SND1: variants seen among roughly 807,000 people sequenced by gnomAD.
The protein encoded by SND1 is staphylococcal nuclease domain-containing protein 1.
A neutral mutation model predicts 121.7 loss-of-function variants in SND1; 38 were observed. The ratio of observed to expected loss-of-function variants is 0.31; its 90% CI spans 0.24 to 0.41. The LOEUF is 0.41. Among genes scored for constraint, SND1 ranks in the 10% least tolerant of loss-of-function variants. The pLI, the probability that SND1 is intolerant of heterozygous loss-of-function variation, is 1.00. For missense variants in SND1, 868 were observed against 1,184.6 expected, an observed-to-expected ratio of 0.73 and a Z score of 3.92; for synonymous variants, 401 against 447.4, an observed-to-expected ratio of 0.90 and a Z score of 1.31.
intron 11 of SND1, among the ~76,000 whole-genome samples, chr7:127,833,937 A>G (rs1382986943): frequency 6.6e-6 from 1 of 151,970 alleles, no homozygotes; most frequent in Non-Finnish European, 1.5e-5. Flanking sequence ...CCTTATTTAA[A>G]TGGAATCACA....
intron 11 of SND1, among the ~76,000 whole-genome samples, chr7:127,816,837 A>G (rs1584594569): frequency 6.6e-6 from 1 of 151,716 alleles, no homozygotes; most frequent in African/African-American, 2.4e-5. Context: ...TAATTGTTGT[A>G]TTTTTAGTAG....
chr7:127,881,352 G>A lies in SND1; in HGVS notation c.1344-6550G>A, dbSNP rs201993188. Among the ~76,000 whole-genome samples the A allele has an allele frequency of 6.6e-5, 10 of 152,070 alleles. No individual in the cohort carries two copies. In the East Asian group the frequency reaches 1.9e-3, roughly 29 times the overall value. ...TTAAATTTTTTATGCTCTTTCTTTT[G>A]TTAATCTGCCTTTTGTCAGCTGATT... On this transcript the variant is annotated intron_variant, in intron 12 of 23. Coordinates refer to ENST00000354725, the MANE Select transcript of SND1 (RefSeq NM_014390.4).
chr7:127,830,300 C>T (rs1226423537), intron 11 of SND1, among the ~76,000 whole-genome samples: 1 of 151,850 alleles, frequency 6.6e-6, no homozygotes, highest in Non-Finnish European at 1.5e-5. Flanking sequence ...GGAGAATTGC[C>T]TGAACCCAGG....
chr7:127,873,145 A>G (rs1293850616), intron 12 of SND1, among the ~76,000 whole-genome samples: 2 of 152,116 alleles, frequency 1.3e-5, no homozygotes, highest in Non-Finnish European at 1.5e-5. Context: ...AGCCACCTTC[A>G]CTTCATCACC....
intron 13 of SND1, among the ~76,000 whole-genome samples, chr7:127,891,854 A>G (rs917703932): frequency 1.3e-5 from 2 of 152,148 alleles, no homozygotes; most frequent in South Asian, 2.1e-4. Flanking sequence ...TTCCCAAGCA[A>G]AATTTCTTAA....
chr7:127,721,386 G>T lies in SND1; in HGVS notation c.1138G>T (p.Gly380Trp), dbSNP rs567804903. ...LSSIRPPRLE[G>W]ENTQDKNKKL... ...CAGCATCCGACCACCGAGGCTGGAG[G>T]GGGAGAACACCCAGGTGAGAATAGG... is the stretch of plus-strand genomic sequence containing the variant. Residue 380 changes from glycine to tryptophan, a missense_variant, in exon 10 of 24, where the codon GGG becomes TGG. Coordinates refer to ENST00000354725, the MANE Select transcript of SND1 (RefSeq NM_014390.4). The T allele has an allele frequency of 5.0e-6, 8 of 1,609,614 alleles. No individual in the cohort carries two copies. The South Asian group carries it at 6.6e-5, about 13-fold the overall frequency.
chr7:127,821,434 C>T (rs1286869480), intron 11 of SND1, among the ~76,000 whole-genome samples: 1 of 152,098 alleles, frequency 6.6e-6, no homozygotes, highest in Non-Finnish European at 1.5e-5. Context: ...ATTGTTTTTT[C>T]CTGGACTCCA....
At chr7:127,802,373 T>C (rs1798148670) in intron 10 of SND1, among the ~76,000 whole-genome samples, 1 of 152,146 alleles carries the variant, frequency 6.6e-6, no homozygotes. Flanking sequence ...AACCAGGCTT[T>C]TACCCCTAGT....
At chr7:127,987,000 G>A (rs1802407123) in intron 15 of SND1, among the ~76,000 whole-genome samples, 2 of 152,220 alleles carry the variant, frequency 1.3e-5, no homozygotes, top group Admixed American at 6.5e-5. Context: ...TTGCACCTGT[G>A]GCATTTGAGG....
At position 128,086,958 on chromosome 7, in the gene SND1, C is replaced by G. The variant is rs757510726; in HGVS notation, c.2325C>G (p.Thr775=). Reference sequence around the variant, plus strand: ...TGCAGAGAGAGGTCCTGCCATCCACCCGCCTGGGTACCCTATCACCTGCCT... The same window carrying G: ...TGCAGAGAGAGGTCCTGCCATCCACGCGCCTGGGTACCCTATCACCTGCCT... The part of the protein sequence containing the change: ...DYGNREVLPS[T]RLGTLSPAFS... Residue 775 remains threonine, a synonymous_variant, in exon 21 of 24, where the codon ACC becomes ACG. Coordinates refer to ENST00000354725, the MANE Select transcript of SND1 (RefSeq NM_014390.4). The G allele has an allele frequency of 5.0e-6, 8 of 1,614,028 alleles. No homozygotes were observed. In the South Asian group the frequency reaches 7.7e-5, roughly 16 times the overall value.
chr7:128,013,155 C>T (rs1803151998), intron 16 of SND1, among the ~76,000 whole-genome samples: 1 of 152,182 alleles, frequency 6.6e-6, no homozygotes, highest in Non-Finnish European at 1.5e-5. Flanking sequence ...AACAAGCCTA[C>T]TGTGTGGCCT....
chr7:128,023,131 C>T (rs1803396354), intron 16 of SND1, among the ~76,000 whole-genome samples: 1 of 152,214 alleles, frequency 6.6e-6, no homozygotes, highest in Non-Finnish European at 1.5e-5. Context: ...TCCTTGACTG[C>T]ATTGCAGCCC....
chr7:127,954,245 T>C (rs1327886423), intron 15 of SND1, among the ~76,000 whole-genome samples: 1 of 152,188 alleles, frequency 6.6e-6, no homozygotes, highest in African/African-American at 2.4e-5. Flanking sequence ...CCCACCTTCA[T>C]TAAGCCAACA....
intron 9 of SND1, among the ~76,000 whole-genome samples, chr7:127,712,924 G>A (rs1002944645): frequency 8.6e-5 from 13 of 151,958 alleles, no homozygotes; most frequent in African/African-American, 2.4e-4. Flanking sequence ...AATTTTTTTC[G>A]TTATTTAGAA....
intron 12 of SND1, among the ~76,000 whole-genome samples, chr7:127,884,990 A>C (rs1371857199): frequency 1.3e-5 from 2 of 152,124 alleles, no homozygotes; most frequent in South Asian, 2.1e-4. Flanking sequence ...GTGGACACTC[A>C]GTCTTTAATG....
intron 14 of SND1, among the ~76,000 whole-genome samples, chr7:127,915,392 A>G (rs1267433869): frequency 1.3e-5 from 2 of 152,180 alleles, no homozygotes. Context: ...CATCCAGTTC[A>G]GGTTCCAAAT....
intron 1 of SND1, among the ~76,000 whole-genome samples, chr7:127,662,572 C>T (rs1249258491): frequency 6.6e-6 from 1 of 152,040 alleles, no homozygotes; most frequent in African/African-American, 2.4e-5. Context: ...GGTTGGGGTG[C>T]TTTACTTGTA....
At chr7:127,753,924 A>T (rs1797148250) in intron 10 of SND1, among the ~76,000 whole-genome samples, 1 of 152,220 alleles carries the variant, frequency 6.6e-6, no homozygotes, top group Non-Finnish European at 1.5e-5. Flanking sequence ...TCAACACCTA[A>T]AGAACCAAAA....
intron 15 of SND1, among the ~76,000 whole-genome samples, chr7:127,963,937 A>AT (rs1305973725): frequency 7.0e-6 from 1 of 142,678 alleles, no homozygotes; most frequent in African/African-American, 2.6e-5. Flanking sequence ...CTTTTTAATG[A>AT]TTGCCATTCT....
Sources: allele counts gnomAD v4.1 joint callset (sites outside exome capture counted in the v4.1 genomes callset), GRCh38; gene constraint gnomAD v4.1.1; transcripts MANE v1.5; gene names NCBI Gene and HGNC (gene_info 2026-07-23, HGNC 2026-07-21).